ACOT11: variants seen among roughly 807,000 people sequenced by gnomAD.
ACOT11 encodes the protein acyl-coenzyme A thioesterase 11.
In ACOT11, 69 loss-of-function variants were observed where a neutral mutation model predicts 77.5. That is an observed-to-expected ratio of 0.89 (90% CI 0.73 to 1.09). The LOEUF (loss-of-function observed/expected upper bound fraction) is 1.09. Ranked by LOEUF, ACOT11 falls within the 50% of genes least tolerant of loss-of-function variation. ACOT11 has a pLI of 0.00. For synonymous variants in ACOT11, 279 were observed against 313.0 expected, an observed-to-expected ratio of 0.89 and a Z score of 1.15; for missense variants, 766 against 813.7, an observed-to-expected ratio of 0.94 and a Z score of 0.71.
intron 15 of ACOT11, chr1:54,628,077 G>A (rs1489588457): frequency 7.5e-6 from 1 of 133,742 alleles, no homozygotes; most frequent in East Asian, 2.3e-4. Flanking sequence ...TTTGGGAGGT[G>A]GCTGGAGGCT....
intron 15 of ACOT11, among the ~76,000 whole-genome samples, chr1:54,617,709 ATTTTTTTTTTTT>A (rs56229276): frequency 5.4e-4 from 30 of 55,740 alleles, no homozygotes; most frequent in African/African-American, 1.1e-3. Context: ...AGGGCCTGAG[ATTTTTTTTTTTT>A]TTTTTTTTTT....
In ACOT11 at chr1:54,607,203, A is replaced by G. The variant is rs779579676; in HGVS notation, c.1440A>G (p.Gly480=). The change falls in exon 14 of 16, where the codon GGA becomes GGG. Residue 480 remains glycine, a synonymous_variant. Coordinates refer to ENST00000343744, the MANE Select transcript of ACOT11 (RefSeq NM_147161.4). This position sits in a 1 kb window ranked among gnomAD's most constrained non-coding sequence, Gnocchi z 4.5. ...AIYHVTSPAL[G]GHTKPQDFVI... ...ACCACGTCACCAGCCCTGCCCTCGG[A>G]GGTCACACAAAGCCCCAGGACTTCG... is the stretch of plus-strand genomic sequence containing the variant. The G allele has an allele frequency of 9.3e-6, 15 of 1,614,060 alleles. No homozygotes were observed. Among genetic ancestry groups the G allele is most frequent in the African/African-American group, 1.3e-5 (1 of 74,936 alleles).
rs1348889248 is a variant in ACOT11 at position 54,598,960 on chromosome 1, C to T, written c.765-336C>T. ...AGGAGTTTGCAACCATGCTGGCCAA[C>T]ATGGTGAAACCCTGTCTCTACTAAA... On this transcript the variant is annotated intron_variant, in intron 7 of 15. Coordinates refer to ENST00000343744, the MANE Select transcript of ACOT11 (RefSeq NM_147161.4). 2.7e-5 allele frequency: 4 copies of T among 149,002 alleles called. No individual in the cohort carries two copies. The Middle Eastern group carries it at 0.011, about 393-fold the overall frequency. 9.2% of individuals were successfully genotyped at this position (149,002 alleles called of 1,614,324 possible). A position where few individuals can be genotyped will look rare whatever the true frequency, so the allele number is the denominator to read the frequency against.
At chr1:54,634,796 G>A in exon 17 of ACOT11, 1 of 694,288 alleles carries the variant, frequency 1.4e-6, no homozygotes, top group Non-Finnish European at 2.6e-6. Flanking sequence ...CCTGGTTGCA[G>A]CCACGTAGAG....
At chr1:54,620,221 G>A (rs1441779129) in intron 15 of ACOT11, among the ~76,000 whole-genome samples, 1 of 152,194 alleles carries the variant, frequency 6.6e-6, no homozygotes, top group Non-Finnish European at 1.5e-5. Flanking sequence ...GAGGCAGTCA[G>A]GAAAGGGGGC....
At chr1:54,612,177 A>G (rs1466439943), downstream of ACOT11, among the ~76,000 whole-genome samples, 1 of 151,840 alleles carries the variant, frequency 6.6e-6, no homozygotes, top group African/African-American at 2.4e-5. Context: ...TTAAAGGCAC[A>G]ATCTGTGTAG....
chr1:54,614,863 T>C, downstream of ACOT11: 2 of 1,612,936 alleles, frequency 1.2e-6, no homozygotes, highest in Non-Finnish European at 1.7e-6. Flanking sequence ...TTGATGCCTG[T>C]GGGGAAAGGA....
At chr1:54,614,848 CCA>C, downstream of ACOT11, 1 of 1,613,656 alleles carries the variant, frequency 6.2e-7, no homozygotes, top group Non-Finnish European at 8.5e-7. Flanking sequence ...TTCTTGAAGT[CCA>C]GTTTGATGCC....
intron 1 of ACOT11, among the ~76,000 whole-genome samples, chr1:54,558,702 A>G (rs1184292085): frequency 2.0e-5 from 3 of 152,124 alleles, no homozygotes; most frequent in Admixed American, 6.5e-5. Flanking sequence ...CCTGCTGCTC[A>G]CTCCTCACTC....
At chr1:54,563,953 C>T (rs1337749799) in intron 1 of ACOT11, among the ~76,000 whole-genome samples, 1 of 152,032 alleles carries the variant, frequency 6.6e-6, no homozygotes, top group African/African-American at 2.4e-5. Flanking sequence ...GTAATCCCAG[C>T]TACTCGGGAG....
chr1:54,634,551 G>C, intron 16 of ACOT11: 1 of 545,676 alleles, frequency 1.8e-6, no homozygotes, highest in Non-Finnish European at 3.2e-6. Flanking sequence ...AAACAAAAAA[G>C]GTGGAAAAAT....
intron 1 of ACOT11, among the ~76,000 whole-genome samples, chr1:54,560,860 T>C (rs1250549761): frequency 6.6e-6 from 1 of 152,316 alleles, no homozygotes; most frequent in East Asian, 1.9e-4. Context: ...TAGCTGGGAT[T>C]ACAGGCGCCT....
chr1:54,559,750 G>C (rs1014958055), intron 1 of ACOT11, among the ~76,000 whole-genome samples: 18 of 152,254 alleles, frequency 1.2e-4, no homozygotes, highest in Admixed American at 1.2e-3. Context: ...CAAGGCTTCT[G>C]GTATTTATCT....
intron 1 of ACOT11, among the ~76,000 whole-genome samples, chr1:54,579,333 CTTTA>C (rs1215339000): frequency 1.3e-5 from 2 of 152,092 alleles, no homozygotes; most frequent in Admixed American, 6.6e-5. Context: ...GGTTCCTTAA[CTTTA>C]TTTGTTTGTA....
At chr1:54,589,238 A>C (rs1055711876) in intron 3 of ACOT11, among the ~76,000 whole-genome samples, 1 of 150,614 alleles carries the variant, frequency 6.6e-6, no homozygotes, top group African/African-American at 2.4e-5. Context: ...GCTGGTCTTG[A>C]ATTCCTGACC....
chr1:54,568,358 CTTTTTTTTT>C (rs71045196), intron 1 of ACOT11, among the ~76,000 whole-genome samples: 2 of 80,556 alleles, frequency 2.5e-5, no homozygotes, highest in Non-Finnish European at 4.7e-5. Flanking sequence ...TTCCCAGCAC[CTTTTTTTTT>C]TTTTTTTTTT....
Position 54,628,604 on chromosome 1 carries a change from C to G in ACOT11, c.1630-2130C>G, listed in dbSNP as rs952186740. The stretch of plus-strand genomic sequence containing the variant: ...AGCAAGACCCCATCGCCCCCCCCCC[C>G]CAAAAAAGGAAAAAAGAAACCCATT... On this transcript the variant is annotated intron_variant, in intron 15 of 16. Transcript: ENST00000371316. 6.6e-5 allele frequency among the ~76,000 whole-genome samples: 8 copies of G among 121,520 alleles called. 1 individual carries two copies. The highest frequency in any genetic ancestry group is 2.0e-4 in the African/African-American group (7 of 35,796). The allele number at this position is 121,520 out of a possible 152,430, so 79.7% of individuals were successfully genotyped here. A position where few individuals can be genotyped will look rare whatever the true frequency, so the allele number is the denominator to read the frequency against.
chr1:54,564,665 TTTTC>T (rs1653673030), intron 1 of ACOT11, among the ~76,000 whole-genome samples: 1 of 152,098 alleles, frequency 6.6e-6, no homozygotes, highest in Non-Finnish European at 1.5e-5. Flanking sequence ...CAATTCCTCT[TTTTC>T]TTCTCCAGGG....
intron 15 of ACOT11, among the ~76,000 whole-genome samples, chr1:54,623,799 A>T (rs2060385): frequency 0.3 from 45,186 of 152,032 alleles, 7,478 homozygotes; most frequent in Middle Eastern, 0.39. Context: ...GTCTCTGGGC[A>T]TCATTTCCTT....
Sources: allele counts gnomAD v4.1 joint callset (sites outside exome capture counted in the v4.1 genomes callset), GRCh38; gene constraint gnomAD v4.1.1; non-coding constraint Gnocchi (gnomAD v3.1); transcripts MANE v1.5; gene names NCBI Gene and HGNC (gene_info 2026-07-23, HGNC 2026-07-21).